MBOAT2: variants seen among roughly 807,000 people sequenced by gnomAD.
MBOAT2 encodes membrane-bound glycerophospholipid O-acyltransferase 2.
A neutral mutation model predicts 63.4 loss-of-function variants in MBOAT2; 28 were observed. The observed-to-expected ratio is 0.44, with a 90% CI of 0.33 to 0.61. The LOEUF (loss-of-function observed/expected upper bound fraction) is 0.61. MBOAT2 is among the 20% of genes least tolerant of loss of function. MBOAT2 has a pLI of 0.03. For synonymous variants in MBOAT2, 211 were observed against 215.6 expected, an observed-to-expected ratio of 0.98 and a Z score of 0.19; for missense variants, 470 against 605.8, an observed-to-expected ratio of 0.78 and a Z score of 2.35.
chr2:8,974,388 G>GA, intron 1 of MBOAT2: 1 of 456,492 alleles, frequency 2.2e-6, no homozygotes, highest in Non-Finnish European at 4.4e-6. Context: ...CCAGGTACGT[G>GA]AGACACACGG....
At chr2:8,865,158 A>C (rs992094464) in intron 9 of MBOAT2, among the ~76,000 whole-genome samples, 1 of 152,156 alleles carries the variant, frequency 6.6e-6, no homozygotes, top group African/African-American at 2.4e-5. Context: ...CCTCTTCCTG[A>C]AAAAAGCTAC....
At chr2:8,914,216 G>A (rs1391651963) in intron 3 of MBOAT2, among the ~76,000 whole-genome samples, 1 of 152,166 alleles carries the variant, frequency 6.6e-6, no homozygotes, top group Non-Finnish European at 1.5e-5. Context: ...ATATGGTACA[G>A]TGTATACTGC....
chr2:8,949,925 A>G (rs1573141075), intron 2 of MBOAT2, among the ~76,000 whole-genome samples: 1 of 152,236 alleles, frequency 6.6e-6, no homozygotes, highest in East Asian at 1.9e-4. Flanking sequence ...TGGCCATTTT[A>G]GTGGCATTGA....
intron 4 of MBOAT2, among the ~76,000 whole-genome samples, chr2:8,899,827 C>T (rs1664780748): frequency 1.3e-5 from 2 of 152,330 alleles, no homozygotes; most frequent in Middle Eastern, 3.4e-3. Flanking sequence ...TCTGATCTCG[C>T]TTTTCCTTTT....
rs969077772 is a variant in MBOAT2 at position 8,882,700 on chromosome 2, C to T, written c.452-135G>A. 7.8e-6 allele frequency: 6 copies of T among 772,696 alleles called. No homozygotes were observed. In the Admixed American group the frequency reaches 8.5e-5, roughly 11 times the overall value. 47.9% of individuals were successfully genotyped at this position (772,696 alleles called of 1,614,324 possible). Reference sequence around the variant, plus strand: ...CCTAATTTTGATATAATGACTGTTCCTTTCCTTCTCATGGCAACACAGCCT... The same window carrying T: ...CCTAATTTTGATATAATGACTGTTCTTTTCCTTCTCATGGCAACACAGCCT... On this transcript the variant is annotated intron_variant, in intron 5 of 12. Transcript: ENST00000305997.
chr2:8,995,998 C>T (rs1190077688), intron 1 of MBOAT2, among the ~76,000 whole-genome samples: 5 of 152,266 alleles, frequency 3.3e-5, no homozygotes, highest in Middle Eastern at 3.4e-3. Context: ...GGGGCCCTGT[C>T]GAAAATGCAG....
intron 1 of MBOAT2, among the ~76,000 whole-genome samples, chr2:8,973,311 C>G (rs13001723): frequency 7.3e-6 from 1 of 137,310 alleles, no homozygotes; most frequent in Non-Finnish European, 1.5e-5. Context: ...TTGGTGGGAA[C>G]TGAACAATGA....
intron 3 of MBOAT2, among the ~76,000 whole-genome samples, chr2:8,913,016 T>C (rs905364762): frequency 6.6e-6 from 1 of 152,042 alleles, no homozygotes; most frequent in Non-Finnish European, 1.5e-5. Flanking sequence ...TGGAACAGAA[T>C]AGAGAACCCA....
chr2:8,980,526 T>C (rs1671125785), intron 1 of MBOAT2, among the ~76,000 whole-genome samples: 1 of 152,138 alleles, frequency 6.6e-6, no homozygotes. Flanking sequence ...TTGAGTGACA[T>C]GGTCTGCCTA....
chr2:8,996,482 C>T (rs1007777994), intron 1 of MBOAT2, among the ~76,000 whole-genome samples: 14 of 152,194 alleles, frequency 9.2e-5, no homozygotes, highest in African/African-American at 3.4e-4. Flanking sequence ...AAAGCACCAA[C>T]TTGTCCTCTG....
chr2:8,935,172 G>C (rs898333108), intron 3 of MBOAT2, among the ~76,000 whole-genome samples: 7 of 152,298 alleles, frequency 4.6e-5, no homozygotes, highest in Non-Finnish European at 7.3e-5. Context: ...AAGAGAAGCA[G>C]AGAACACCAG....
At chr2:8,948,490 CCTT>C (rs1423059115) in intron 2 of MBOAT2, among the ~76,000 whole-genome samples, 4 of 152,196 alleles carry the variant, frequency 2.6e-5, no homozygotes, top group South Asian at 2.1e-4. Flanking sequence ...TTGCTCCCCT[CCTT>C]ATCTCCCACC....
intron 7 of MBOAT2, among the ~76,000 whole-genome samples, chr2:8,874,523 G>GA (rs1662566039): frequency 6.6e-6 from 1 of 152,062 alleles, no homozygotes; most frequent in Non-Finnish European, 1.5e-5. Context: ...CTGTGGCCAC[G>GA]AGACTATATG....
intron 1 of MBOAT2, among the ~76,000 whole-genome samples, chr2:8,961,249 A>C (rs1669582604): frequency 6.6e-6 from 1 of 152,208 alleles, no homozygotes; most frequent in African/African-American, 2.4e-5. Flanking sequence ...GTGTGAAATA[A>C]ACCATCAGTG....
At chr2:8,873,597 A>T (rs1388468592) in intron 7 of MBOAT2, among the ~76,000 whole-genome samples, 10 of 151,664 alleles carry the variant, frequency 6.6e-5, no homozygotes, top group Non-Finnish European at 8.8e-5. Flanking sequence ...GCATAAGTGT[A>T]TTGGTGTGAA....
intron 4 of MBOAT2, among the ~76,000 whole-genome samples, chr2:8,902,564 A>G (rs1665030999): frequency 6.6e-6 from 1 of 151,634 alleles, no homozygotes; most frequent in African/African-American, 2.4e-5. Context: ...TACAGCTCTT[A>G]AAGGCGGTGC....
chr2:8,903,789 A>G (rs1471759818), intron 4 of MBOAT2, among the ~76,000 whole-genome samples: 2 of 152,150 alleles, frequency 1.3e-5, no homozygotes, highest in African/African-American at 2.4e-5. Context: ...CTGTCAGTCC[A>G]GAATATTTTA....
Position 8,857,046 on chromosome 2 carries a change from TTTTCC to T in MBOAT2, c.*1628_*1632del, listed in dbSNP as rs761928752. On this transcript the variant is annotated 3_prime_UTR_variant, in exon 13 of 13. Transcript: ENST00000305997. ...CCTCAAAAGCTGCAAGTGCATTTGC[TTTTCC>T]TTTCTTCTTTAAATGAAGTATTATA... 2.0e-5 allele frequency: 3 copies of T among 152,644 alleles called. No homozygotes were observed. The highest frequency in any genetic ancestry group is 4.4e-5 in the Non-Finnish European group (3 of 68,038). The allele number at this position is 152,644 out of a possible 1,614,324, so 9.5% of individuals were successfully genotyped here. A position where few individuals can be genotyped will look rare whatever the true frequency, so the allele number is the denominator to read the frequency against.
chr2:8,967,529 T>C (rs1476299242), intron 1 of MBOAT2, among the ~76,000 whole-genome samples: 1 of 152,200 alleles, frequency 6.6e-6, no homozygotes, highest in African/African-American at 2.4e-5. Context: ...AATCATTAAA[T>C]TTAAGTCCAT....
Sources: gnomAD v4.1 joint callset for allele counts (sites outside exome capture counted in the v4.1 genomes callset) on GRCh38, gnomAD v4.1.1 for gene constraint, MANE v1.5 for transcripts, NCBI Gene and HGNC (gene_info 2026-07-23, HGNC 2026-07-21) for gene names.